The following KCNK10 variants were observed in gnomAD, a reference collection of about 807,000 sequenced individuals.
The protein encoded by KCNK10 is potassium two pore domain channel subfamily K member 10.
Under a neutral mutation model 47.7 loss-of-function variants are expected in KCNK10, and 25 were observed. The ratio of observed to expected loss-of-function variants is 0.52; its 90% CI spans 0.38 to 0.73. KCNK10 has a LOEUF of 0.73. Among genes scored for constraint, KCNK10 ranks in the 30% least tolerant of loss-of-function variants. The probability of loss-of-function intolerance (pLI) is 0.00; values close to 1 mark genes in which losing one functional copy is unlikely to be tolerated. For missense variants in KCNK10, 563 were observed against 714.5 expected (o/e 0.79, Z 2.42); for synonymous variants, 303 against 285.6 (o/e 1.06, Z -0.61).
At chr14:88,189,157 G>A (rs987525070) in intron 5 of KCNK10, among the ~76,000 whole-genome samples, 12 of 152,278 alleles carry the variant, frequency 7.9e-5, no homozygotes, top group South Asian at 2.1e-4. Context: ...TGAGTCTTAC[G>A]GCAAAGGCAG....
upstream of KCNK10, among the ~76,000 whole-genome samples, chr14:88,323,961 G>T (rs1225592949): frequency 2.6e-5 from 4 of 152,180 alleles, no homozygotes; most frequent in Non-Finnish European, 5.9e-5. Context: ...GGACCGCTCC[G>T]CATCTGCTGC....
intron 2 of KCNK10, among the ~76,000 whole-genome samples, chr14:88,243,560 G>C (rs1886540322): frequency 6.6e-6 from 1 of 152,196 alleles, no homozygotes; most frequent in South Asian, 2.1e-4. Context: ...GACCTCACGA[G>C]AGATCATTTC....
At chr14:88,287,679 GTGTGTGTGTGTGT>G (rs1566715230) in intron 1 of KCNK10, among the ~76,000 whole-genome samples, 24 of 3,686 alleles carry the variant, frequency 6.5e-3, no homozygotes, top group Admixed American at 0.013. Flanking sequence ...TCCATGGTGT[GTGTGTGTGTGTGT>G]GTGTGTGTGT....
chr14:88,211,868 C>G (rs1885467177), intron 4 of KCNK10, among the ~76,000 whole-genome samples: 1 of 147,928 alleles, frequency 6.8e-6, no homozygotes, highest in Non-Finnish European at 1.5e-5. Context: ...TGCAGTCAAG[C>G]CTGGCAACAG....
chr14:88,250,668 G>A (rs538182923), intron 2 of KCNK10, among the ~76,000 whole-genome samples: 7 of 152,164 alleles, frequency 4.6e-5, no homozygotes, highest in Admixed American at 6.5e-5. Flanking sequence ...AGGGAAATAC[G>A]TAAAGCTTCG....
intron 4 of KCNK10, among the ~76,000 whole-genome samples, chr14:88,205,605 C>T (rs895251581): frequency 1.5e-5 from 2 of 137,010 alleles, no homozygotes; most frequent in African/African-American, 5.6e-5. Context: ...AGTGCAATGG[C>T]GTGACCTCGG....
intron 1 of KCNK10, among the ~76,000 whole-genome samples, chr14:88,306,162 T>C (rs903776339): frequency 2.0e-5 from 3 of 152,206 alleles, no homozygotes; most frequent in African/African-American, 7.2e-5. Flanking sequence ...AAGTCTTACA[T>C]AAACCCAGAG....
At chr14:88,266,690 G>T (rs1887267860) in intron 1 of KCNK10, among the ~76,000 whole-genome samples, 1 of 152,174 alleles carries the variant, frequency 6.6e-6, no homozygotes, top group Non-Finnish European at 1.5e-5. Flanking sequence ...AAGGGGTGTG[G>T]TATGGTGGGG....
chr14:88,254,458 C>G (rs899865260), intron 2 of KCNK10, among the ~76,000 whole-genome samples: 2 of 152,178 alleles, frequency 1.3e-5, no homozygotes, highest in African/African-American at 4.8e-5. Flanking sequence ...TCGAGCTCCC[C>G]TGAAGACACT....
chr14:88,192,826 T>G (rs1884792979), intron 4 of KCNK10, among the ~76,000 whole-genome samples: 1 of 152,236 alleles, frequency 6.6e-6, no homozygotes, highest in South Asian at 2.1e-4. Flanking sequence ...TTTGGAGCTC[T>G]TTCCACAATG....
intron 3 of KCNK10, among the ~76,000 whole-genome samples, chr14:88,239,404 AAG>A (rs1403258725): frequency 6.6e-6 from 1 of 152,234 alleles, no homozygotes; most frequent in Non-Finnish European, 1.5e-5. Context: ...CAAATCATAT[AAG>A]AGAAACATAA....
In KCNK10 at chr14:88,322,992, T is replaced by C; in HGVS notation, c.-194A>G. 3 of 1,417,052 alleles carry C rather than the reference T, an allele frequency of 2.1e-6. No individual in the cohort carries two copies. Among genetic ancestry groups the C allele is most frequent in the Non-Finnish European group, 2.8e-6 (3 of 1,088,130 alleles). The allele number at this position is 1,417,052 out of a possible 1,614,324, so 87.8% of individuals were successfully genotyped here. ...GCTTGGGGGAGAACTGGAGAGGGCT[T>C]GGGTGTTTGCACCGGCCAGGGGGTG... On this transcript the variant is annotated 5_prime_UTR_variant, in exon 1 of 7. Coordinates refer to ENST00000319231, the MANE Select transcript of KCNK10 (RefSeq NM_138317.3). This position sits in a 1 kb window ranked among gnomAD's most constrained non-coding sequence, Gnocchi z 4.8.
chr14:88,304,457 C>G (rs1020999094), intron 1 of KCNK10, among the ~76,000 whole-genome samples: 1 of 152,198 alleles, frequency 6.6e-6, no homozygotes, highest in Non-Finnish European at 1.5e-5. Flanking sequence ...TTTGTAACCC[C>G]GAAATCAAAT....
intron 1 of KCNK10, among the ~76,000 whole-genome samples, chr14:88,264,029 T>C (rs1887190680): frequency 6.6e-6 from 1 of 152,196 alleles, no homozygotes; most frequent in Non-Finnish European, 1.5e-5. Flanking sequence ...GATGAATGTC[T>C]AGAGACTTAA....
At chr14:88,240,881 C>CA (rs3837636) in intron 2 of KCNK10, 61 bp from the exon 3 acceptor site, 28,986 of 766,926 alleles carry the variant, frequency 0.038, 35 homozygotes, top group Non-Finnish European at 0.042. Flanking sequence ...TTTTTTTCTT[C>CA]AAAAAAAAAA....
chr14:88,292,424 A>T (rs1216361467), intron 1 of KCNK10, among the ~76,000 whole-genome samples: 1 of 152,104 alleles, frequency 6.6e-6, no homozygotes, highest in Non-Finnish European at 1.5e-5. Flanking sequence ...ATCTCGGCTC[A>T]ATATAAACTC....
chr14:88,224,905 C>T (rs11159847), intron 4 of KCNK10, among the ~76,000 whole-genome samples: 42,409 of 152,102 alleles, frequency 0.28, 6,393 homozygotes, highest in East Asian at 0.47. Flanking sequence ...CCACCATGCC[C>T]GGCAGAAAGC....
chr14:88,226,584 A>C (rs1190926942), intron 4 of KCNK10, among the ~76,000 whole-genome samples: 2 of 152,228 alleles, frequency 1.3e-5, no homozygotes, highest in East Asian at 1.9e-4. Context: ...GTGACCTTAC[A>C]TCTGAGCAAA....
rs150583194 is a variant in KCNK10, at chr14:88,282,311, G to A, written c.53-18760C>T. 1.5e-3 allele frequency among the ~76,000 whole-genome samples: 229 copies of A among 152,242 alleles called. 1 individual carries two copies. Among genetic ancestry groups the A allele is most frequent in the African/African-American group, 5.2e-3 (216 of 41,536 alleles). On this transcript the variant is annotated intron_variant, in intron 1 of 6. Transcript: ENST00000319231. ...GCATGCATCCAGCTCTAAAATCCAC[G>A]CTCTATCAAGACATCCTGCCACCTT...
Sources: gnomAD v4.1 joint callset for allele counts (sites outside exome capture counted in the v4.1 genomes callset) on GRCh38, gnomAD v4.1.1 for gene constraint, Gnocchi (gnomAD v3.1) non-coding constraint, MANE v1.5 for transcripts, NCBI Gene and HGNC (gene_info 2026-07-23, HGNC 2026-07-21) for gene names.